Variants in ASTN2 observed in about 807,000 individuals in gnomAD.
ASTN2 encodes astrotactin-2.
In ASTN2, 54 loss-of-function variants were observed where a neutral mutation model predicts 139.8. That is an observed-to-expected ratio of 0.39 (90% CI 0.31 to 0.48). The LOEUF is 0.48. ASTN2 is among the 20% of genes least tolerant of loss of function. The pLI is 0.95. For missense variants in ASTN2, 1,565 were observed against 1,725.1 expected (o/e 0.91, Z 1.64); for synonymous variants, 756 against 719.5 (o/e 1.05, Z -0.81).
chr9:117,283,683 T>C (rs1396794060), intron 2 of ASTN2, among the ~76,000 whole-genome samples: 1 of 152,198 alleles, frequency 6.6e-6, no homozygotes, highest in East Asian at 1.9e-4. Context: ...ATGTTTGCCA[T>C]CCTCACATTT....
intron 7 of ASTN2, among the ~76,000 whole-genome samples, chr9:116,985,952 T>C (rs1163540454): frequency 2.0e-5 from 3 of 152,188 alleles, no homozygotes; most frequent in Non-Finnish European, 2.9e-5. Context: ...CTGAATCCTC[T>C]GTGGCCTGCA....
At position 117,201,158 on chromosome 9, in the gene ASTN2, C is replaced by G. The variant is rs148899241; in HGVS notation, c.1015+13200G>C. On this transcript the variant is annotated intron_variant, in intron 3 of 22. Transcript: ENST00000313400. Reference sequence around the variant, plus strand: ...TTCTTCTAGATTTTCTAGTTTATTTCCATAGAGGTATTTATGGTATTCTCT... The same window carrying G: ...TTCTTCTAGATTTTCTAGTTTATTTGCATAGAGGTATTTATGGTATTCTCT... Among the ~76,000 whole-genome samples, 1,418 of 151,872 alleles carry G rather than the reference C, an allele frequency of 9.3e-3. 24 individuals carry two copies. The highest frequency in any genetic ancestry group is 0.033 in the African/African-American group (1,364 of 41,464).
chr9:116,556,630 G>A lies in ASTN2; in HGVS notation c.3355+61694C>T, dbSNP rs528318361. ...AATAGAGAGAGAGAAAGTGAAAAGAGGTTGACAATGACTCAATTTGACGAT... is the reference window on the plus strand; with the variant it reads ...AATAGAGAGAGAGAAAGTGAAAAGAAGTTGACAATGACTCAATTTGACGAT... On this transcript the variant is annotated intron_variant, in intron 19 of 22. Transcript: ENST00000313400. 6.6e-5 allele frequency among the ~76,000 whole-genome samples: 10 copies of A among 152,262 alleles called. No individual in the cohort carries two copies. In the East Asian group the frequency reaches 1.7e-3, roughly 26 times the overall value.
intron 11 of ASTN2, among the ~76,000 whole-genome samples, chr9:116,848,923 C>A (rs1460360935): frequency 6.6e-6 from 1 of 152,152 alleles, no homozygotes; most frequent in Non-Finnish European, 1.5e-5. Context: ...CAATTCCAAG[C>A]CCCAGGTTAT....
chr9:116,497,981 T>C (rs913184433), intron 19 of ASTN2, among the ~76,000 whole-genome samples: 2 of 152,120 alleles, frequency 1.3e-5, no homozygotes, highest in African/African-American at 2.4e-5. Context: ...ATTCAACATC[T>C]CCCTCTCTGT....
intron 19 of ASTN2, chr9:116,547,803 T>C (rs896179997): frequency 1.3e-5 from 2 of 152,248 alleles, no homozygotes; most frequent in African/African-American, 4.8e-5. Flanking sequence ...GAGGGTCTAT[T>C]TGCAGGCAGG....
chr9:117,257,195 T>C (rs1414385287), intron 2 of ASTN2, among the ~76,000 whole-genome samples: 1 of 152,198 alleles, frequency 6.6e-6, no homozygotes, highest in African/African-American at 2.4e-5. Flanking sequence ...AAAATGCTGG[T>C]CCTGATTCAT....
chr9:116,725,364 A>AACTTG (rs1828590163), intron 16 of ASTN2, among the ~76,000 whole-genome samples: 1 of 151,882 alleles, frequency 6.6e-6, no homozygotes, highest in African/African-American at 2.4e-5. Flanking sequence ...TTCTTGGGAG[A>AACTTG]GAAGAACCCA....
intron 20 of ASTN2, among the ~76,000 whole-genome samples, chr9:116,450,724 G>C (rs1009779698): frequency 1.3e-5 from 2 of 152,156 alleles, no homozygotes; most frequent in African/African-American, 4.8e-5. Context: ...GCTTGAGAAT[G>C]AGTCACCAGG....
intron 2 of ASTN2, among the ~76,000 whole-genome samples, chr9:117,219,941 G>T (rs1014155375): frequency 6.6e-6 from 1 of 152,192 alleles, no homozygotes; most frequent in African/African-American, 2.4e-5. Flanking sequence ...AGGCCAGCAT[G>T]AGAATCCCTG....
intron 20 of ASTN2, among the ~76,000 whole-genome samples, chr9:116,483,129 C>T (rs1393802923): frequency 1.3e-5 from 2 of 152,240 alleles, no homozygotes; most frequent in African/African-American, 4.8e-5. Context: ...GAGACTCCTG[C>T]TCAGGGTCAC....
chr9:116,680,434 C>T (rs1859778973), intron 16 of ASTN2, among the ~76,000 whole-genome samples: 1 of 152,182 alleles, frequency 6.6e-6, no homozygotes, highest in Admixed American at 6.5e-5. Context: ...CAGCCGAATT[C>T]TACCAGGGGT....
At chr9:116,739,295 A>G (rs552846760) in intron 13 of ASTN2, among the ~76,000 whole-genome samples, 64 of 152,288 alleles carry the variant, frequency 4.2e-4, no homozygotes, top group Non-Finnish European at 8.1e-4. Flanking sequence ...TCAATGTTGC[A>G]TTGAGGTCTA....
At chr9:116,880,296 C>T (rs895946235) in intron 10 of ASTN2, among the ~76,000 whole-genome samples, 1 of 152,094 alleles carries the variant, frequency 6.6e-6, no homozygotes, top group Non-Finnish European at 1.5e-5. Context: ...CCAGCATAGA[C>T]CCCAGATTAA....
intron 1 of ASTN2, among the ~76,000 whole-genome samples, chr9:117,359,040 T>C (rs755047193): frequency 2.0e-5 from 3 of 152,204 alleles, no homozygotes; most frequent in Non-Finnish European, 2.9e-5. Context: ...CTGGATGGAC[T>C]CTCAGGTCCC....
chr9:116,688,385 T>A (rs1860382744), intron 16 of ASTN2, among the ~76,000 whole-genome samples: 1 of 151,962 alleles, frequency 6.6e-6, no homozygotes. Context: ...AGATTTTCCT[T>A]AAATCGCTGC....
rs759742371 is a variant in ASTN2, at chr9:116,698,631, A to G, written c.2806+27140T>C. Reference sequence around the variant, plus strand: ...CCTCCAAATTGGACAAGCTGTTAAGAAGCCCCGGACAGTTAACGTGGAAGA... The same window carrying G: ...CCTCCAAATTGGACAAGCTGTTAAGGAGCCCCGGACAGTTAACGTGGAAGA... On this transcript the variant is annotated intron_variant, in intron 16 of 22. Coordinates refer to ENST00000313400, the MANE Select transcript of ASTN2 (RefSeq NM_001365068.1). This position sits in a 1 kb window ranked among gnomAD's most constrained non-coding sequence, Gnocchi z 4.4. The G allele has an allele frequency of 3.7e-5, 59 of 1,614,030 alleles. No individual in the cohort carries two copies. The Admixed American group carries it at 9.8e-4, about 27-fold the overall frequency.
intron 19 of ASTN2, among the ~76,000 whole-genome samples, chr9:116,544,299 A>C (rs1852001199): frequency 6.6e-6 from 1 of 152,112 alleles, no homozygotes; most frequent in Non-Finnish European, 1.5e-5. Context: ...GCAACCCAGA[A>C]ACCCTCCATG....
chr9:116,496,297 G>A (rs1849667251), intron 19 of ASTN2, among the ~76,000 whole-genome samples: 1 of 152,172 alleles, frequency 6.6e-6, no homozygotes, highest in Non-Finnish European at 1.5e-5. Flanking sequence ...GTGAGTGAAT[G>A]TATCTGTTGT....
Sources: gnomAD v4.1 joint callset for allele counts (sites outside exome capture counted in the v4.1 genomes callset) on GRCh38, gnomAD v4.1.1 for gene constraint, Gnocchi (gnomAD v3.1) non-coding constraint, MANE v1.5 for transcripts, NCBI Gene and HGNC (gene_info 2026-07-23, HGNC 2026-07-21) for gene names.